PIP5K1B: variants seen among roughly 807,000 people sequenced by gnomAD.
PIP5K1B encodes the protein phosphatidylinositol 4-phosphate 5-kinase type-1 beta.
Under a neutral mutation model 67.0 loss-of-function variants are expected in PIP5K1B, and 42 were observed. The ratio of observed to expected loss-of-function variants is 0.63; its 90% CI spans 0.49 to 0.81. The LOEUF is 0.81. PIP5K1B is among the 30% of genes least tolerant of loss of function. PIP5K1B has a pLI of 0.00. For missense variants in PIP5K1B, 459 were observed against 646.3 expected (o/e 0.71, Z 3.14); for synonymous variants, 214 against 231.4 (o/e 0.92, Z 0.68).
rs748848222 is a variant in PIP5K1B, at chr9:68,935,089, T to C, written c.1357+44T>C. 2.0e-6 allele frequency: 3 copies of C among 1,534,522 alleles called. No homozygotes were observed. The East Asian group carries it at 6.8e-5, about 35-fold the overall frequency. On this transcript the variant is annotated intron_variant, in intron 13 of 15. Coordinates refer to ENST00000265382, the MANE Select transcript of PIP5K1B (RefSeq NM_003558.4). ...TTTAAAAAGACAAACGTTCTTGTGA[T>C]TTATTTATACAAGTAAATTTGCAGA...
At chr9:68,995,801 G>A (rs1185365372) in intron 15 of PIP5K1B, among the ~76,000 whole-genome samples, 9 of 119,270 alleles carry the variant, frequency 7.5e-5, no homozygotes, top group East Asian at 4.9e-4. Flanking sequence ...GCAAAACTCC[G>A]TCTCAAAAAA....
intron 14 of PIP5K1B, among the ~76,000 whole-genome samples, chr9:68,967,462 AAACT>A: frequency 6.6e-6 from 1 of 152,224 alleles, no homozygotes; most frequent in East Asian, 1.9e-4. Flanking sequence ...CAAGCAAGAG[AAACT>A]GAAGTAGCAA....
At chr9:68,857,959 T>TTGTTGTTGTTGTTGTTG (rs1822867352) in intron 4 of PIP5K1B, among the ~76,000 whole-genome samples, 3 of 149,306 alleles carry the variant, frequency 2.0e-5, no homozygotes, top group Non-Finnish European at 4.4e-5. Context: ...CTCTTGCTGT[T>TTGTTGTTGTTGTTGTTG]TTGTTGTTGT....
chr9:68,906,894 A>G (rs7024695), intron 8 of PIP5K1B, among the ~76,000 whole-genome samples: 33,102 of 152,148 alleles, frequency 0.22, 4,466 homozygotes, highest in African/African-American at 0.39. Flanking sequence ...GATATTCCTC[A>G]TTCTGAATTG....
chr9:68,891,644 T>C (rs919296593), intron 7 of PIP5K1B, among the ~76,000 whole-genome samples: 5 of 151,990 alleles, frequency 3.3e-5, no homozygotes, highest in Non-Finnish European at 7.4e-5. Flanking sequence ...GAGTCTTGAG[T>C]ACAAAAAGAA....
intron 15 of PIP5K1B, among the ~76,000 whole-genome samples, chr9:68,995,401 T>C (rs1274065755): frequency 1.3e-5 from 2 of 152,196 alleles, no homozygotes; most frequent in Non-Finnish European, 2.9e-5. Context: ...AATTCCAGAA[T>C]GTGTTTTCAT....
intron 14 of PIP5K1B, among the ~76,000 whole-genome samples, chr9:68,976,502 G>T (rs777450102): frequency 6.6e-5 from 10 of 152,160 alleles, no homozygotes; most frequent in Non-Finnish European, 1.2e-4. Context: ...CCACTACCCT[G>T]CCTCTTGCTG....
chr9:69,000,763 A>G (rs940860101), intron 15 of PIP5K1B, among the ~76,000 whole-genome samples: 1 of 152,372 alleles, frequency 6.6e-6, no homozygotes, highest in African/African-American at 2.4e-5. Flanking sequence ...TGTGGTGACA[A>G]CAGTTAGGAC....
chr9:68,809,457 A>C (rs1833043253), intron 2 of PIP5K1B, among the ~76,000 whole-genome samples: 2 of 152,174 alleles, frequency 1.3e-5, no homozygotes, highest in Non-Finnish European at 1.5e-5. Flanking sequence ...AATCCATATA[A>C]ATTTCCACAC....
chr9:68,859,765 C>T (rs1049079011), intron 4 of PIP5K1B, among the ~76,000 whole-genome samples: 7 of 152,206 alleles, frequency 4.6e-5, no homozygotes, highest in African/African-American at 1.7e-4. Context: ...TCTTTGTCAT[C>T]ATCATGATTT....
intron 4 of PIP5K1B, among the ~76,000 whole-genome samples, chr9:68,860,055 A>G (rs1328420722): frequency 1.3e-5 from 2 of 152,138 alleles, no homozygotes; most frequent in African/African-American, 2.4e-5. Context: ...TGTGATGAGA[A>G]CACTTAAAAT....
chr9:68,988,821 G>A (rs1050364255), intron 14 of PIP5K1B, among the ~76,000 whole-genome samples: 6 of 151,968 alleles, frequency 3.9e-5, no homozygotes, highest in African/African-American at 9.7e-5. Flanking sequence ...AATTTGTTGC[G>A]CATGGTGGCT....
intron 14 of PIP5K1B, among the ~76,000 whole-genome samples, chr9:68,964,763 G>A (rs1421890036): frequency 6.6e-6 from 1 of 152,260 alleles, no homozygotes; most frequent in Non-Finnish European, 1.5e-5. Context: ...AGAGGGGAGA[G>A]AAATAGCACA....
intron 4 of PIP5K1B, among the ~76,000 whole-genome samples, chr9:68,830,455 T>C (rs558749906): frequency 6.6e-6 from 1 of 152,296 alleles, no homozygotes; most frequent in South Asian, 2.1e-4. Context: ...CTCTCATTAT[T>C]AGCCTGTTGC....
intron 2 of PIP5K1B, among the ~76,000 whole-genome samples, chr9:68,797,141 G>A (rs948356486): frequency 1.4e-4 from 21 of 152,162 alleles, no homozygotes; most frequent in East Asian, 3.8e-4. Flanking sequence ...TTACAAAGAC[G>A]AGTGGACAAG....
At chr9:68,798,803 A>T (rs927528348) in intron 2 of PIP5K1B, among the ~76,000 whole-genome samples, 1 of 152,238 alleles carries the variant, frequency 6.6e-6, no homozygotes, top group Non-Finnish European at 1.5e-5. Flanking sequence ...GAATGGGAGC[A>T]GGAAGATCAA....
chr9:68,935,328 C>T (rs553841882), intron 13 of PIP5K1B, among the ~76,000 whole-genome samples: 26 of 152,060 alleles, frequency 1.7e-4, no homozygotes, highest in East Asian at 5.8e-4. Flanking sequence ...ATTAGTCAGG[C>T]GTGATAGCGG....
At position 68,925,795 on chromosome 9, in the gene PIP5K1B, A is replaced by ATTTTTTTTT. The variant is rs71353094; in HGVS notation, c.1201+2421_1201+2429dup. On this transcript the variant is annotated intron_variant, in intron 12 of 15. Coordinates refer to ENST00000265382, the MANE Select transcript of PIP5K1B (RefSeq NM_003558.4). ...ACATGAATACCAGCTTGTGGTTCCAATTTTTTTTTTTTTTTTTTTTGAGAC... is the reference window on the plus strand; with the variant it reads ...ACATGAATACCAGCTTGTGGTTCCAATTTTTTTTTTTTTTTTTTTTTTTTTTTTTGAGAC... Among the ~76,000 whole-genome samples the ATTTTTTTTT allele has an allele frequency of 8.9e-3, 649 of 73,250 alleles. 122 individuals are homozygous for ATTTTTTTTT. Among genetic ancestry groups the ATTTTTTTTT allele is most frequent in the Middle Eastern group, 0.054 (3 of 56 alleles). The allele number at this position is 73,250 out of a possible 152,430, so 48.1% of individuals were successfully genotyped here. A position where few individuals can be genotyped will look rare whatever the true frequency, so the allele number is the denominator to read the frequency against.
At chr9:68,995,754 A>G (rs1282815463) in intron 15 of PIP5K1B, among the ~76,000 whole-genome samples, 6 of 151,718 alleles carry the variant, frequency 4.0e-5, no homozygotes, top group African/African-American at 1.5e-4. Context: ...GCGGTGAGCC[A>G]AGATTGCGCC....
Sources: gnomAD v4.1 joint callset for allele counts (sites outside exome capture counted in the v4.1 genomes callset) on GRCh38, gnomAD v4.1.1 for gene constraint, MANE v1.5 for transcripts, NCBI Gene and HGNC (gene_info 2026-07-23, HGNC 2026-07-21) for gene names.